Variants in ZNF248 observed in about 807,000 individuals in gnomAD.
ZNF248 encodes KRAB protein domain.
ZNF248 carries 20 observed loss-of-function variants against 44.3 expected under a neutral mutation model. That is an observed-to-expected ratio of 0.45 (90% CI 0.32 to 0.66). ZNF248 has a LOEUF of 0.66. Ranked by LOEUF, ZNF248 falls within the 30% of genes least tolerant of loss-of-function variation. ZNF248 has a pLI of 0.04. For synonymous variants in ZNF248, 224 were observed against 229.0 expected, an observed-to-expected ratio of 0.98 and a Z score of 0.20; for missense variants, 654 against 677.0, an observed-to-expected ratio of 0.97 and a Z score of 0.38.
the ZNF248 span, among the ~76,000 whole-genome samples, chr10:37,763,523 A>G: frequency 1.3e-5 from 2 of 152,358 alleles, no homozygotes; most frequent in South Asian, 4.1e-4. Flanking sequence ...TACCTGTAAT[A>G]CTTAAAATGT....
At chr10:37,803,417 T>A (rs2050083147) in intron 6 of ZNF248, 1 of 152,304 alleles carries the variant, frequency 6.6e-6, no homozygotes, top group Admixed American at 6.5e-5. Context: ...TGCCTGCCCC[T>A]TGCTCATGCT....
intron 6 of ZNF248, among the ~76,000 whole-genome samples, chr10:37,782,458 G>A (rs1167103883): frequency 2.0e-5 from 3 of 152,120 alleles, no homozygotes; most frequent in Non-Finnish European, 4.4e-5. Flanking sequence ...ATTTTGGTGG[G>A]GGTTGGGGGG....
intron 3 of ZNF248, among the ~76,000 whole-genome samples, chr10:37,844,266 T>C (rs9417268): frequency 0.13 from 20,133 of 152,128 alleles, 1,425 homozygotes; most frequent in Admixed American, 0.2. Context: ...ACCTGGCAAA[T>C]TGATCCTTCA....
At chr10:37,781,510 AAC>A (rs1485912173) in intron 6 of ZNF248, among the ~76,000 whole-genome samples, 8 of 152,172 alleles carry the variant, frequency 5.3e-5, no homozygotes, top group Non-Finnish European at 7.4e-5. Context: ...TAAAATTTGT[AAC>A]AGTTTTTCCT....
chr10:37,805,155 T>C (rs1454878937), intron 6 of ZNF248, among the ~76,000 whole-genome samples: 1 of 152,162 alleles, frequency 6.6e-6, no homozygotes, highest in African/African-American at 2.4e-5. Context: ...AATTCAATTC[T>C]AGAGAGGAGG....
chr10:37,846,550 G>A lies in ZNF248; in HGVS notation c.16-8439C>T, dbSNP rs1173050230. Among the ~76,000 whole-genome samples, 5 of 152,206 alleles carry A rather than the reference G, an allele frequency of 3.3e-5. No individual in the cohort carries two copies. The East Asian group carries it at 9.7e-4, about 29-fold the overall frequency. On this transcript the variant is annotated intron_variant, in intron 3 of 5. Transcript: ENST00000395867. Reference sequence around the variant, plus strand: ...AGTTCCAATTACTCAGTAGGCTAAGGCAGGAGGATCACTTGAGCCCAGGAA... The same window carrying A: ...AGTTCCAATTACTCAGTAGGCTAAGACAGGAGGATCACTTGAGCCCAGGAA...
chr10:37,817,330 C>T (rs1389430804), intron 6 of ZNF248, among the ~76,000 whole-genome samples: 1 of 151,730 alleles, frequency 6.6e-6, no homozygotes, highest in Non-Finnish European at 1.5e-5. Flanking sequence ...GAACCACTTC[C>T]AAAGACCTAT....
At chr10:37,837,815 G>C in intron 4 of ZNF248, 103 bp from the exon 5 acceptor site, 2 of 1,376,516 alleles carry the variant, frequency 1.5e-6, no homozygotes, top group Non-Finnish European at 2.0e-6. Context: ...GCTACTCAAA[G>C]AATGTGCACA....
rs1226858942 is a variant in ZNF248, at chr10:37,830,724, A to G, written c.*891T>C. On this transcript the variant is annotated 3_prime_UTR_variant, in exon 6 of 6. Coordinates refer to ENST00000395867, the MANE Select transcript of ZNF248 (RefSeq NM_021045.3). ...CTCCCACTAAGTCCAAGCTACCAAGACAGCACTGAATGTGGAGCTGGGAAG... is the reference window on the plus strand; with the variant it reads ...CTCCCACTAAGTCCAAGCTACCAAGGCAGCACTGAATGTGGAGCTGGGAAG... The G allele has an allele frequency of 2.2e-6, 1 of 446,254 alleles. No individual in the cohort carries two copies. The highest frequency in any genetic ancestry group is 3.0e-6 in the Non-Finnish European group (1 of 337,174). The allele number at this position is 446,254 out of a possible 1,614,324, so 27.6% of individuals were successfully genotyped here. A position where few individuals can be genotyped will look rare whatever the true frequency, so the allele number is the denominator to read the frequency against.
chr10:37,809,005 T>A (rs2051050179), intron 6 of ZNF248, among the ~76,000 whole-genome samples: 1 of 152,168 alleles, frequency 6.6e-6, no homozygotes, highest in Non-Finnish European at 1.5e-5. Context: ...ATCTATGTTA[T>A]CCAATTTGTT....
intron 6 of ZNF248, among the ~76,000 whole-genome samples, chr10:37,790,603 G>A (rs1369312336): frequency 6.6e-6 from 1 of 151,862 alleles, no homozygotes; most frequent in Non-Finnish European, 1.5e-5. Flanking sequence ...TCAGCTACTC[G>A]GGAGGCTGAG....
chr10:37,775,429 C>G (rs1015388327), downstream of ZNF248: 1 of 152,096 alleles, frequency 6.6e-6, no homozygotes, highest in African/African-American at 2.4e-5. Flanking sequence ...CAGGGGTGGT[C>G]ATGCGAGATC....
rs765921796 is a variant in ZNF248, at chr10:37,831,768, G to C, written c.1587C>G (p.Phe529Leu). ...GTTTAGTGAGAGCTGATTTTTCACA[G>C]AAGGTTTTCCCACATTCATTACACT... Reference protein sequence around the residue: ...PYKCNECGKTFCEKSALTKHQ... With the variant: ...PYKCNECGKTLCEKSALTKHQ... Residue 529 changes from phenylalanine to leucine, a missense_variant, in exon 6 of 6, where the codon TTC becomes TTG. Physicochemically the swap from Phe to Leu is conservative, Grantham distance 22. Transcript: ENST00000395867. The C allele has an allele frequency of 6.2e-7, 1 of 1,613,266 alleles. No individual in the cohort carries two copies. Among genetic ancestry groups the C allele is most frequent in the South Asian group, 1.1e-5 (1 of 91,078 alleles).
chr10:37,805,772 T>TA (rs1381845062), intron 6 of ZNF248, among the ~76,000 whole-genome samples: 2 of 152,064 alleles, frequency 1.3e-5, no homozygotes, highest in Non-Finnish European at 2.9e-5. Context: ...TGCATCATTC[T>TA]AAAAAAAGTG....
At chr10:37,844,680 T>C (rs931427090) in intron 3 of ZNF248, among the ~76,000 whole-genome samples, 2 of 152,194 alleles carry the variant, frequency 1.3e-5, no homozygotes, top group Non-Finnish European at 1.5e-5. Context: ...GTTATAAATG[T>C]GGAATGTTCA....
the ZNF248 span, among the ~76,000 whole-genome samples, chr10:37,761,965 T>C: frequency 2.6e-4 from 40 of 152,318 alleles, 1 homozygote; most frequent in South Asian, 2.1e-3. Flanking sequence ...GACCAAAAGA[T>C]AGAATCACAC....
chr10:37,801,919 C>T (rs949787490), intron 6 of ZNF248, among the ~76,000 whole-genome samples: 1 of 152,150 alleles, frequency 6.6e-6, no homozygotes, highest in African/African-American at 2.4e-5. Flanking sequence ...ACTTGAACCT[C>T]AATGTTTTAA....
At chr10:37,841,197 T>C (rs570306710) in intron 3 of ZNF248, among the ~76,000 whole-genome samples, 2 of 152,320 alleles carry the variant, frequency 1.3e-5, no homozygotes, top group African/African-American at 4.8e-5. Flanking sequence ...TACCTGAATG[T>C]GTCTAAATGT....
At chr10:37,792,739 T>C (rs776150464) in intron 6 of ZNF248, among the ~76,000 whole-genome samples, 1 of 152,162 alleles carries the variant, frequency 6.6e-6, no homozygotes, top group Admixed American at 6.5e-5. Flanking sequence ...CAGTCACAGA[T>C]TGAAAGACAT....
Sources: allele counts gnomAD v4.1 joint callset (sites outside exome capture counted in the v4.1 genomes callset), GRCh38; gene constraint gnomAD v4.1.1; transcripts MANE v1.5; gene names NCBI Gene and HGNC (gene_info 2026-07-23, HGNC 2026-07-21).